The following SEL1L3 variants were observed in gnomAD, a reference collection of about 807,000 sequenced individuals.
SEL1L3 encodes protein sel-1 homolog 3.
SEL1L3 carries 76 observed loss-of-function variants against 142.8 expected under a neutral mutation model. That is an observed-to-expected ratio of 0.53 (90% CI 0.44 to 0.64). SEL1L3 has a LOEUF of 0.64. Among genes scored for constraint, SEL1L3 ranks in the 30% least tolerant of loss-of-function variants. SEL1L3 has a pLI of 0.00. For synonymous variants in SEL1L3, 504 were observed against 519.6 expected (o/e 0.97, Z 0.41); for missense variants, 1,262 against 1,381.7 (o/e 0.91, Z 1.37).
At chr4:25,789,584 CAAAAAAA>C (rs55852462) in intron 12 of SEL1L3, among the ~76,000 whole-genome samples, 13 of 124,756 alleles carry the variant, frequency 1.0e-4, no homozygotes, top group Non-Finnish European at 1.2e-4. Flanking sequence ...GACCCTGAAT[CAAAAAAA>C]AAAAAAAAAA....
chr4:25,839,840 C>T (rs1009058546), intron 2 of SEL1L3, among the ~76,000 whole-genome samples: 3 of 152,130 alleles, frequency 2.0e-5, no homozygotes, highest in African/African-American at 7.2e-5. Flanking sequence ...TGAGCACTTC[C>T]GGGCAGGCAT....
At chr4:25,792,571 T>C (rs1712425658) in intron 11 of SEL1L3, among the ~76,000 whole-genome samples, 1 of 152,240 alleles carries the variant, frequency 6.6e-6, no homozygotes, top group Admixed American at 6.5e-5. Flanking sequence ...TGAGCTGCCC[T>C]GAGAAGGAGT....
In SEL1L3 at chr4:25,759,949, GGTACAT is replaced by G. The variant is rs533823501; in HGVS notation, c.2956-887_2956-882del. 6.6e-5 allele frequency: 10 copies of G among 152,220 alleles called. 1 individual carries two copies. The South Asian group carries it at 1.5e-3, about 22-fold the overall frequency. The allele number at this position is 152,220 out of a possible 1,614,324, so 9.4% of individuals were successfully genotyped here. On this transcript the variant is annotated intron_variant, in intron 20 of 23. Transcript: ENST00000399878. ...TTTTAACTTCTGTTTCAACTTTAGG[GGTACAT>G]GTACAGGTTTGTCATACAGATTATT...
At chr4:25,737,019 C>T in the SEL1L3 span, among the ~76,000 whole-genome samples, 10,217 of 147,358 alleles carry the variant, frequency 0.069, 424 homozygotes, top group African/African-American at 0.11. Context: ...CAGAGTCTCA[C>T]TGTCACCCAG....
chr4:25,733,123 T>G, the SEL1L3 span, among the ~76,000 whole-genome samples: 1 of 152,112 alleles, frequency 6.6e-6, no homozygotes, highest in Non-Finnish European at 1.5e-5. Flanking sequence ...TCCATATAAA[T>G]TTTAGAATCA....
At chr4:25,787,768 C>T (rs776026947) in intron 13 of SEL1L3, among the ~76,000 whole-genome samples, 14 of 152,188 alleles carry the variant, frequency 9.2e-5, no homozygotes, top group East Asian at 1.9e-4. Context: ...GGGACTTTCA[C>T]GCTTGTCTCC....
chr4:25,841,558 C>T (rs1450804117), intron 2 of SEL1L3, among the ~76,000 whole-genome samples: 1 of 152,234 alleles, frequency 6.6e-6, no homozygotes, highest in Non-Finnish European at 1.5e-5. Context: ...CAGGTTCAAA[C>T]TCCAGCATCT....
At chr4:25,774,002 T>C (rs1157728383) in intron 17 of SEL1L3, among the ~76,000 whole-genome samples, 1 of 152,186 alleles carries the variant, frequency 6.6e-6, no homozygotes, top group Non-Finnish European at 1.5e-5. Flanking sequence ...TCACGGCCCT[T>C]GAGCTATAAT....
At chr4:25,830,594 C>CT (rs1249685813) in intron 5 of SEL1L3, among the ~76,000 whole-genome samples, 3 of 152,148 alleles carry the variant, frequency 2.0e-5, no homozygotes, top group African/African-American at 7.2e-5. Context: ...CTCCCTTTCC[C>CT]TAAGCACTGG....
chr4:25,761,229 C>A (rs1364736151), intron 20 of SEL1L3, among the ~76,000 whole-genome samples: 1 of 146,746 alleles, frequency 6.8e-6, no homozygotes, highest in African/African-American at 2.5e-5. Flanking sequence ...GATCTCGGCT[C>A]AGTGCATCGT....
chr4:25,787,960 C>T (rs999169347), intron 13 of SEL1L3, among the ~76,000 whole-genome samples: 2 of 152,308 alleles, frequency 1.3e-5, no homozygotes, highest in African/African-American at 2.4e-5. Flanking sequence ...CAATAAAATA[C>T]GGGTGTCTCC....
At chr4:25,806,133 G>A (rs1487690051) in intron 9 of SEL1L3, among the ~76,000 whole-genome samples, 1 of 150,978 alleles carries the variant, frequency 6.6e-6, no homozygotes, top group Non-Finnish European at 1.5e-5. Context: ...CCGCCTCCTG[G>A]GTTCACGCCA....
At chr4:25,821,529 G>C (rs999296016) in intron 7 of SEL1L3, among the ~76,000 whole-genome samples, 3 of 152,230 alleles carry the variant, frequency 2.0e-5, no homozygotes, top group Non-Finnish European at 2.9e-5. Flanking sequence ...TGCCCTTTTC[G>C]ATCCATACAA....
At chr4:25,803,771 T>A (rs1234946592) in intron 10 of SEL1L3, among the ~76,000 whole-genome samples, 1 of 150,956 alleles carries the variant, frequency 6.6e-6, no homozygotes, top group Non-Finnish European at 1.5e-5. Context: ...GACATCAGGG[T>A]TTTTTATATG....
rs199893152 is a variant in SEL1L3, at chr4:25,847,515, A to G, written c.512T>C (p.Val171Ala). The G allele has an allele frequency of 2.0e-5, 33 of 1,613,658 alleles. No individual in the cohort carries two copies. In the East Asian group the frequency reaches 7.4e-4, roughly 36 times the overall value. ...FIRHSISVSA[V>A]IVRAWITHKY... The stretch of plus-strand genomic sequence containing the variant: ...GTGAGTAATCCAGGCGCGTACTATC[A>G]CTGCAGATACAGAGATGGAATGTCT... The change falls in exon 2 of 24, where the codon GTG becomes GCG. Residue 171 changes from valine (V) to alanine (A), a missense_variant. Coordinates refer to ENST00000399878, the MANE Select transcript of SEL1L3 (RefSeq NM_015187.5).
At chr4:25,730,640 G>A in the SEL1L3 span, among the ~76,000 whole-genome samples, 1 of 152,080 alleles carries the variant, frequency 6.6e-6, no homozygotes, top group Non-Finnish European at 1.5e-5. Context: ...CAATAAACCT[G>A]TAGTCCCTTC....
At chr4:25,828,000 T>A (rs1300443466) in intron 6 of SEL1L3, among the ~76,000 whole-genome samples, 2 of 152,220 alleles carry the variant, frequency 1.3e-5, no homozygotes, top group Non-Finnish European at 2.9e-5. Context: ...TCCTTGAACT[T>A]TTCAGAGAAG....
At chr4:25,816,716 C>T (rs1714415249) in intron 9 of SEL1L3, among the ~76,000 whole-genome samples, 1 of 152,140 alleles carries the variant, frequency 6.6e-6, no homozygotes, top group Non-Finnish European at 1.5e-5. Flanking sequence ...GCCCAAACTT[C>T]AGGATGGTGT....
At chr4:25,778,165 T>C (rs1469439115) in intron 16 of SEL1L3, among the ~76,000 whole-genome samples, 3 of 151,886 alleles carry the variant, frequency 2.0e-5, no homozygotes, top group African/African-American at 4.8e-5. Flanking sequence ...CACCAAAATT[T>C]AAGTGCAGAC....
Sources: gnomAD v4.1 joint callset for allele counts (sites outside exome capture counted in the v4.1 genomes callset) on GRCh38, gnomAD v4.1.1 for gene constraint, MANE v1.5 for transcripts, NCBI Gene and HGNC (gene_info 2026-07-23, HGNC 2026-07-21) for gene names.